Variants in ZNF280D observed in about 807,000 individuals in gnomAD.
ZNF280D encodes the protein suppressor of hairy wing homolog 4.
In ZNF280D, 39 loss-of-function variants were observed where a neutral mutation model predicts 94.7. The observed-to-expected ratio is 0.41, with a 90% CI of 0.32 to 0.54. ZNF280D has a LOEUF of 0.54. Ranked by LOEUF, ZNF280D falls within the 20% of genes least tolerant of loss-of-function variation. ZNF280D has a pLI of 0.22. For missense variants in ZNF280D, 1,090 were observed against 1,149.3 expected, an observed-to-expected ratio of 0.95 and a Z score of 0.75; for synonymous variants, 398 against 377.6, an observed-to-expected ratio of 1.05 and a Z score of -0.63.
Position 56,631,957 on chromosome 15 carries a change from A to G in ZNF280D, c.2481T>C (p.Cys827=), listed in dbSNP as rs1454559825. ...QETGSKNIVS[C]DSNIGADKVE... ...CTTTATCTGCACCAATATTTGAATC[A>G]CAACTGACGATGTTTTTTGAGCCAG... The change falls in exon 22 of 22, where the codon TGT becomes TGC. Residue 827 remains cysteine, a synonymous_variant. Coordinates refer to ENST00000267807, the MANE Select transcript of ZNF280D (RefSeq NM_017661.4). 1.9e-6 allele frequency: 3 copies of G among 1,613,976 alleles called. No homozygotes were observed. Among genetic ancestry groups the G allele is most frequent in the Non-Finnish European group, 2.5e-6 (3 of 1,180,006 alleles).
chr15:56,696,915 C>T (rs2056780304), intron 6 of ZNF280D, among the ~76,000 whole-genome samples: 1 of 152,228 alleles, frequency 6.6e-6, no homozygotes, highest in African/African-American at 2.4e-5. Flanking sequence ...CCAAAACATT[C>T]TGAGTCAGAA....
At chr15:56,635,282 T>C (rs776087968) in intron 20 of ZNF280D, 32 bp from the exon 21 acceptor site, 7 of 1,309,592 alleles carry the variant, frequency 5.3e-6, no homozygotes, top group Non-Finnish European at 6.2e-6. Flanking sequence ...TTCTTTTACA[T>C]TCACAGTTAA....
rs146432931 is a variant in ZNF280D at position 56,677,898 on chromosome 15, C to T, written c.1163-224G>A. On this transcript the variant is annotated intron_variant, in intron 11 of 21. Transcript: ENST00000267807. ...CTATAAGAAAGGTATTTCTGTTATC[C>T]GCATTATTCAAGTATTAAGTAACGT... 1.9e-3 allele frequency among the ~76,000 whole-genome samples: 294 copies of T among 152,116 alleles called. 1 individual carries two copies. Among genetic ancestry groups the T allele is most frequent in the African/African-American group, 6.7e-3 (280 of 41,488 alleles).
intron 19 of ZNF280D, among the ~76,000 whole-genome samples, chr15:56,643,702 A>G (rs936222258): frequency 1.3e-4 from 19 of 151,924 alleles, no homozygotes; most frequent in Admixed American, 7.2e-4. Context: ...GAAGCTGCAG[A>G]AATGACTAAA....
intron 1 of ZNF280D, among the ~76,000 whole-genome samples, chr15:56,722,556 A>G (rs186523761): frequency 1.3e-5 from 2 of 152,360 alleles, no homozygotes; most frequent in East Asian, 3.9e-4. Context: ...AAGAATGGCA[A>G]TCATTAAAAA....
At chr15:56,697,500 T>A (rs2056826497) in intron 6 of ZNF280D, among the ~76,000 whole-genome samples, 1 of 152,204 alleles carries the variant, frequency 6.6e-6, no homozygotes, top group Admixed American at 6.5e-5. Flanking sequence ...TTACATTTTT[T>A]AAAACATTAG....
At chr15:56,729,219 G>A (rs139546551) in intron 1 of ZNF280D, among the ~76,000 whole-genome samples, 76 of 152,278 alleles carry the variant, frequency 5.0e-4, no homozygotes, top group African/African-American at 1.7e-3. Flanking sequence ...TGATATATAC[G>A]AAATGACAGA....
At chr15:56,676,336 T>G (rs1286074939) in intron 13 of ZNF280D, among the ~76,000 whole-genome samples, 1 of 152,146 alleles carries the variant, frequency 6.6e-6, no homozygotes, top group East Asian at 1.9e-4. Context: ...TCCTGATAAC[T>G]CCCTTCAAAA....
intron 1 of ZNF280D, among the ~76,000 whole-genome samples, chr15:56,712,594 CAAAAAAAAAAAA>C (rs1171267893): frequency 1.3e-5 from 1 of 76,982 alleles, no homozygotes; most frequent in Admixed American, 2.0e-4. Context: ...ACCCTCATAC[CAAAAAAAAAAAA>C]AAAAAAAAAG....
intron 1 of ZNF280D, among the ~76,000 whole-genome samples, chr15:56,713,312 A>C (rs2057870588): frequency 6.6e-6 from 1 of 152,192 alleles, no homozygotes; most frequent in African/African-American, 2.4e-5. Context: ...TAACTCATAA[A>C]GTTAGCTCAA....
chr15:56,703,138 T>C (rs950016441), intron 4 of ZNF280D, among the ~76,000 whole-genome samples: 9 of 152,192 alleles, frequency 5.9e-5, no homozygotes, highest in Non-Finnish European at 1.3e-4. Flanking sequence ...ATCTGCACGT[T>C]AATATTATAA....
rs778306054 is a variant in ZNF280D at position 56,631,702 on chromosome 15, C to A, written c.2736G>T (p.Glu912Asp). 7 of 1,614,154 alleles carry A rather than the reference C, an allele frequency of 4.3e-6. No individual in the cohort carries two copies. The highest frequency in any genetic ancestry group is 5.9e-6 in the Non-Finnish European group (7 of 1,180,020). The change falls in exon 22 of 22, where the codon GAG becomes GAT. Residue 912 changes from glutamate (E) to aspartate (D), a missense_variant. Around this residue, in one of 3 missense-constraint regions of ZNF280D, gnomAD observed 577 missense variants for 568.8 expected, o/e 1.01. Transcript: ENST00000267807. ...EPESVSSDVS[E>D]QGSIHLEPLT... ...GAGGTTCCAAATGAATACTGCCTTG[C>A]TCGCTAACATCAGAACTAACAGATT...
At chr15:56,653,278 G>C in intron 19 of ZNF280D, 6 of 1,194,584 alleles carry the variant, frequency 5.0e-6, no homozygotes, top group Non-Finnish European at 6.2e-6. Flanking sequence ...TGAAGCAGTG[G>C]TTTGATGGGC....
rs1328161672 is a variant in ZNF280D at position 56,655,785 on chromosome 15, C to G, written c.2058-1282G>C. ...AAAAATACTAAAATGCTTCAGATAA[C>G]TTAGCCACTATATATTTAATTTCTT... On this transcript the variant is annotated intron_variant, in intron 17 of 21. Transcript: ENST00000267807. Among the ~76,000 whole-genome samples, 5 of 152,326 alleles carry G rather than the reference C, an allele frequency of 3.3e-5. No homozygotes were observed. The South Asian group carries it at 1.0e-3, about 32-fold the overall frequency.
chr15:56,715,169 G>C (rs1167671875), intron 1 of ZNF280D, among the ~76,000 whole-genome samples: 1 of 152,068 alleles, frequency 6.6e-6, no homozygotes, highest in Non-Finnish European at 1.5e-5. Context: ...AGAGTTTCTA[G>C]GTTAGGAGTT....
chr15:56,649,312 T>G (rs2053076797), intron 19 of ZNF280D, among the ~76,000 whole-genome samples: 1 of 152,124 alleles, frequency 6.6e-6, no homozygotes, highest in Non-Finnish European at 1.5e-5. Flanking sequence ...TTGTCCTAAA[T>G]GAAAGACTAC....
At chr15:56,674,169 T>C (rs2055060580) in intron 13 of ZNF280D, among the ~76,000 whole-genome samples, 1 of 152,016 alleles carries the variant, frequency 6.6e-6, no homozygotes, top group Non-Finnish European at 1.5e-5. Context: ...ACAGAGAAAA[T>C]GCATGTGAGT....
chr15:56,712,425 G>T (rs1242808237), intron 1 of ZNF280D, among the ~76,000 whole-genome samples: 4 of 151,670 alleles, frequency 2.6e-5, no homozygotes, highest in Non-Finnish European at 4.4e-5. Flanking sequence ...AGGATGACTT[G>T]AGCTCAGCCT....
chr15:56,664,203 G>C (rs2054139506), intron 16 of ZNF280D, among the ~76,000 whole-genome samples: 1 of 152,130 alleles, frequency 6.6e-6, no homozygotes, highest in East Asian at 1.9e-4. Context: ...TTTAAAAGAG[G>C]AATGTTAGTT....
Sources: allele counts gnomAD v4.1 joint callset (sites outside exome capture counted in the v4.1 genomes callset), GRCh38; gene constraint gnomAD v4.1.1; regional missense constraint gnomAD v4.1.1; transcripts MANE v1.5; gene names NCBI Gene and HGNC (gene_info 2026-07-23, HGNC 2026-07-21).